The following TLE1 variants were observed in gnomAD, a reference collection of about 807,000 sequenced individuals.
TLE1 encodes the protein TLE family member 1, transcriptional corepressor, also known as transducin-like enhancer protein 1.
TLE1 carries 21 observed loss-of-function variants against 89.8 expected under a neutral mutation model. The ratio of observed to expected loss-of-function variants is 0.23; its 90% CI spans 0.17 to 0.34. TLE1 has a LOEUF of 0.34. Among genes scored for constraint, TLE1 ranks in the 10% least tolerant of loss-of-function variants. The probability of loss-of-function intolerance (pLI) is 1.00; values close to 1 mark genes in which losing one functional copy is unlikely to be tolerated. For missense variants in TLE1, 795 were observed against 1,031.2 expected (o/e 0.77, Z 3.14); for synonymous variants, 447 against 407.6 (o/e 1.10, Z -1.16).
At chr9:81,611,524 T>G (rs1356053155) in intron 13 of TLE1, among the ~76,000 whole-genome samples, 1 of 152,218 alleles carries the variant, frequency 6.6e-6, no homozygotes, top group Non-Finnish European at 1.5e-5. Flanking sequence ...CACTGCCTTT[T>G]TCATCCACAA....
At chr9:81,626,200 A>G (rs1825886198) in intron 8 of TLE1, among the ~76,000 whole-genome samples, 1 of 152,126 alleles carries the variant, frequency 6.6e-6, no homozygotes, top group Admixed American at 6.6e-5. Flanking sequence ...CCGCAGGAAA[A>G]GTGTTTGTGT....
chr9:81,675,626 C>CAA, intron 4 of TLE1, among the ~76,000 whole-genome samples: 1 of 151,294 alleles, frequency 6.6e-6, no homozygotes, highest in South Asian at 2.1e-4. Context: ...AAAAACTGAG[C>CAA]AAAACTGGTT....
In TLE1 at chr9:81,675,698, G is replaced by GTTTTTTTTTTTTTTTTTT. The variant is rs35060460; in HGVS notation, c.234+9977_234+9978insAAAAAAAAAAAAAAAAAA. On this transcript the variant is annotated intron_variant, in intron 4 of 19. Transcript: ENST00000376499. Reference sequence around the variant, plus strand: ...AATTTTAGCATAAGGACTCACACTAGTTTTTTTTTGTTTTTTTTTTTGAGA... The same window carrying GTTTTTTTTTTTTTTTTTT: ...AATTTTAGCATAAGGACTCACACTAGTTTTTTTTTTTTTTTTTTTTTTTTTTTGTTTTTTTTTTTGAGA... Among the ~76,000 whole-genome samples the GTTTTTTTTTTTTTTTTTT allele has an allele frequency of 2.8e-3, 369 of 129,488 alleles. 40 individuals carry two copies. The highest frequency in any genetic ancestry group is 8.2e-3 in the African/African-American group (250 of 30,308). 84.9% of individuals were successfully genotyped at this position (129,488 alleles called of 152,430 possible).
chr9:81,591,139 G>A (rs951210772), intron 15 of TLE1, 87 bp from the exon 16 acceptor site: 2 of 1,527,548 alleles, frequency 1.3e-6, no homozygotes, highest in African/African-American at 2.7e-5. Flanking sequence ...GGTTTTTTGA[G>A]TTAAGAGTGG....
chr9:81,633,250 G>A, intron 8 of TLE1, 98 bp downstream of exon 8: 1 of 1,593,422 alleles, frequency 6.3e-7, no homozygotes, highest in Non-Finnish European at 8.6e-7. Context: ...GTGCATGTCT[G>A]TCTGTGCCTG....
intron 8 of TLE1, among the ~76,000 whole-genome samples, chr9:81,623,585 C>T (rs1333716234): frequency 6.9e-6 from 1 of 145,634 alleles, no homozygotes; most frequent in African/African-American, 2.6e-5. Flanking sequence ...TCGAGACCAG[C>T]CTGGCCAACA....
chr9:81,633,261 T>C, intron 8 of TLE1, 87 bp downstream of exon 8: 1 of 1,595,588 alleles, frequency 6.3e-7, no homozygotes. Context: ...TCTGTGCCTG[T>C]GTGGAGAAGT....
chr9:81,596,734 T>C (rs1012557914), intron 14 of TLE1, among the ~76,000 whole-genome samples: 2 of 152,176 alleles, frequency 1.3e-5, no homozygotes, highest in African/African-American at 4.8e-5. Flanking sequence ...GCAAAATTCA[T>C]CTGCAGTATT....
intron 9 of TLE1, among the ~76,000 whole-genome samples, chr9:81,617,791 C>T (rs1824741060): frequency 1.3e-5 from 2 of 151,790 alleles, no homozygotes; most frequent in African/African-American, 4.8e-5. Context: ...TTTGGGAGGC[C>T]GAGGCAGGTG....
chr9:81,597,320 T>G (rs562363630), intron 14 of TLE1, among the ~76,000 whole-genome samples: 1 of 152,146 alleles, frequency 6.6e-6, no homozygotes, highest in South Asian at 2.1e-4. Flanking sequence ...TTGAGGGCTT[T>G]ATCTCAACCA....
intron 15 of TLE1, among the ~76,000 whole-genome samples, chr9:81,592,170 A>G (rs889860996): frequency 4.6e-5 from 7 of 152,284 alleles, no homozygotes; most frequent in African/African-American, 2.4e-5. Flanking sequence ...CATTCTGGCT[A>G]ACATGGTGAA....
intron 14 of TLE1, among the ~76,000 whole-genome samples, chr9:81,596,704 T>A (rs1830267043): frequency 6.6e-6 from 1 of 152,192 alleles, no homozygotes; most frequent in Admixed American, 6.5e-5. Flanking sequence ...ATGACCGCAT[T>A]TCTAGAATTT....
In TLE1 at chr9:81,637,709, T is replaced by C. The variant is rs7029534; in HGVS notation, c.373-3408A>G. 3.7e-3 allele frequency among the ~76,000 whole-genome samples: 559 copies of C among 149,518 alleles called. 3 individuals carry two copies. Among genetic ancestry groups the C allele is most frequent in the African/African-American group, 0.013 (532 of 40,658 alleles). ...AAAGGAGTACTAAGTAACAATCAAA[T>C]GGATCACAACTGCTGAAGATGTCGT... On this transcript the variant is annotated intron_variant, in intron 6 of 19. Coordinates refer to ENST00000376499, the MANE Select transcript of TLE1 (RefSeq NM_005077.5).
At chr9:81,687,268 A>G in intron 2 of TLE1, 66 bp downstream of exon 2, 1 of 1,401,886 alleles carries the variant, frequency 7.1e-7, no homozygotes, top group East Asian at 2.4e-5. Flanking sequence ...CGCCGCCGCC[A>G]CCCGGCTGGG....
rs942263468 is a variant in TLE1, at chr9:81,584,470, G to A, written c.2183C>T (p.Pro728Leu). The A allele has an allele frequency of 6.2e-7, 1 of 1,614,134 alleles. No individual in the cohort carries two copies. The change falls in exon 19 of 20, where the codon CCC becomes CTC. Residue 728 changes from proline (P) to leucine (L), a missense_variant. Pro to Leu is a moderately conservative substitution (Grantham distance 98, BLOSUM62 -3). This residue lies in a region of TLE1 where 214 missense variants were observed against 354.9 expected (regional missense o/e 0.60). Coordinates refer to ENST00000376499, the MANE Select transcript of TLE1 (RefSeq NM_005077.5). ...KDNLLNAWRT[P>L]YGASIFQSKE... Reference sequence around the variant, plus strand: ...CACCTGGAATATGCTGGCTCCATAGGGGGTCCGCCAAGCATTGAGGAGGTT... The same window carrying A: ...CACCTGGAATATGCTGGCTCCATAGAGGGTCCGCCAAGCATTGAGGAGGTT...
At position 81,687,431 on chromosome 9, in the gene TLE1, G is replaced by C. The variant is rs771246202; in HGVS notation, c.28C>G (p.Pro10Ala). ...AAGGGCTGGCCTGCAGCCTGGTGCG[G>C]CGTCTGGGGGCGACCAGCGAGGGGG... MFPQSRHPT[P>A]HQAAGQPFKF... The change falls in exon 2 of 20, where the codon CCG (proline) becomes GCG (alanine). Residue 10 changes from proline to alanine, a missense_variant. Transcript: ENST00000376499. 15 of 1,608,138 alleles carry C rather than the reference G, an allele frequency of 9.3e-6. No homozygotes were observed. In the Admixed American group the frequency reaches 2.2e-4, roughly 24 times the overall value.
At chr9:81,682,445 T>A (rs72747302) in intron 4 of TLE1, among the ~76,000 whole-genome samples, 1 of 152,134 alleles carries the variant, frequency 6.6e-6, no homozygotes, top group Non-Finnish European at 1.5e-5. Context: ...CAAATCACAT[T>A]GAAAACTGTT....
chr9:81,619,864 T>C (rs1283555386), intron 9 of TLE1, among the ~76,000 whole-genome samples: 2 of 152,190 alleles, frequency 1.3e-5, no homozygotes, highest in East Asian at 1.9e-4. Context: ...TTAAACAAGA[T>C]GCCTCTGGGG....
intron 4 of TLE1, among the ~76,000 whole-genome samples, chr9:81,674,342 T>C (rs187193721): frequency 7.2e-4 from 109 of 152,246 alleles, no homozygotes; most frequent in African/African-American, 2.5e-3. Context: ...AGCTGTTTGC[T>C]CAAGGCATCA....
Sources: gnomAD v4.1 joint callset for allele counts (sites outside exome capture counted in the v4.1 genomes callset) on GRCh38, gnomAD v4.1.1 for gene constraint, gnomAD v4.1.1 regional missense constraint, MANE v1.5 for transcripts, NCBI Gene and HGNC (gene_info 2026-07-23, HGNC 2026-07-21) for gene names.